PLCG2: variants seen among roughly 807,000 people sequenced by gnomAD.
The protein encoded by PLCG2 is phospholipase C gamma 2, also known as 1-phosphatidylinositol 4,5-bisphosphate phosphodiesterase gamma-2.
In PLCG2, 69 loss-of-function variants were observed where a neutral mutation model predicts 175.6. The ratio of observed to expected loss-of-function variants is 0.39; its 90% CI spans 0.32 to 0.48. PLCG2 has a LOEUF of 0.48. PLCG2 is among the 20% of genes least tolerant of loss of function. The probability of loss-of-function intolerance (pLI) is 0.91; values close to 1 mark genes in which losing one functional copy is unlikely to be tolerated. For missense variants in PLCG2, 1,798 were observed against 1,650.9 expected (o/e 1.09, Z -1.54); for synonymous variants, 827 against 624.0 (o/e 1.33, Z -4.85).
chr16:81,743,994 G>T (rs1909652180), intron 1 of PLCG2, among the ~76,000 whole-genome samples: 1 of 151,922 alleles, frequency 6.6e-6, no homozygotes, highest in African/African-American at 2.4e-5. Flanking sequence ...AAGTAGCTGA[G>T]ATTACAGGCA....
At chr16:81,750,734 C>G (rs1909794640) in intron 1 of PLCG2, among the ~76,000 whole-genome samples, 1 of 122,030 alleles carries the variant, frequency 8.2e-6, no homozygotes, top group Admixed American at 1.1e-4. Flanking sequence ...GTGGCGCGAT[C>G]TCGGCTCACT....
chr16:81,959,755 T>G lies in PLCG2; in HGVS notation c.*1757T>G, dbSNP rs921433451. The G allele has an allele frequency of 2.2e-5, 4 of 184,440 alleles. No homozygotes were observed. Among genetic ancestry groups the G allele is most frequent in the African/African-American group, 9.4e-5 (4 of 42,590 alleles). 11.4% of individuals were successfully genotyped at this position (184,440 alleles called of 1,614,324 possible). ...AGGCACTCTGTAGCCAGGGCCCCAT[T>G]AGCCTTTGGCCAGGTAGCCACCAGA... On this transcript the variant is annotated 3_prime_UTR_variant, in exon 33 of 33. Coordinates refer to ENST00000564138, the MANE Select transcript of PLCG2 (RefSeq NM_002661.5).
chr16:81,787,409 T>TTTTTTTTTTTTTC (rs1911023264), intron 2 of PLCG2, among the ~76,000 whole-genome samples: 1 of 145,854 alleles, frequency 6.9e-6, no homozygotes. Flanking sequence ...TTTTTTTTTT[T>TTTTTTTTTTTTTC]TTGTAGAGAT....
intron 10 of PLCG2, among the ~76,000 whole-genome samples, chr16:81,890,776 T>C (rs1490825900): frequency 1.3e-5 from 2 of 152,224 alleles, no homozygotes; most frequent in African/African-American, 2.4e-5. Context: ...ACTTGAAATT[T>C]CCTGCCCTTT....
chr16:81,952,741 A>G (rs1911416623), intron 31 of PLCG2, among the ~76,000 whole-genome samples: 1 of 152,232 alleles, frequency 6.6e-6, no homozygotes, highest in Non-Finnish European at 1.5e-5. Context: ...ATAAATGTAG[A>G]AGGAATGAGG....
chr16:81,778,430 G>C (rs1910554860), upstream of PLCG2, among the ~76,000 whole-genome samples: 1 of 152,196 alleles, frequency 6.6e-6, no homozygotes, highest in Non-Finnish European at 1.5e-5. Flanking sequence ...CCTGACAGCT[G>C]TCTAGGTGCC....
At chr16:81,922,008 G>A (rs1005049232) in intron 21 of PLCG2, among the ~76,000 whole-genome samples, 1 of 152,196 alleles carries the variant, frequency 6.6e-6, no homozygotes, top group African/African-American at 2.4e-5. Flanking sequence ...TAGTAGTGAA[G>A]GATGTTTTGG....
At chr16:81,922,993 C>T (rs749699584) in intron 21 of PLCG2, among the ~76,000 whole-genome samples, 6 of 152,076 alleles carry the variant, frequency 3.9e-5, no homozygotes, top group Non-Finnish European at 5.9e-5. Flanking sequence ...TGCTGACCTA[C>T]AAAAACAGAG....
intron 6 of PLCG2, 38 bp downstream of exon 6, chr16:81,869,336 C>T (rs369350365): frequency 8.4e-5 from 118 of 1,411,470 alleles, no homozygotes; most frequent in Non-Finnish European, 1.1e-4. Flanking sequence ...TTTATGAATG[C>T]GGAGTGACTT....
intron 2 of PLCG2, among the ~76,000 whole-genome samples, chr16:81,761,722 C>A (rs1910045223): frequency 6.6e-6 from 1 of 151,972 alleles, no homozygotes; most frequent in South Asian, 2.1e-4. Flanking sequence ...GTTTGCTCTT[C>A]TCATTTTTCC....
At chr16:81,804,469 A>C (rs1420154088) in intron 2 of PLCG2, among the ~76,000 whole-genome samples, 2 of 152,236 alleles carry the variant, frequency 1.3e-5, no homozygotes, top group Non-Finnish European at 2.9e-5. Context: ...GTTAGCTTGC[A>C]GCACATGGGC....
At chr16:81,937,547 GA>G in intron 27 of PLCG2, 1 of 428,184 alleles carries the variant, frequency 2.3e-6, no homozygotes, top group Non-Finnish European at 4.1e-6. Context: ...TATGATTCGG[GA>G]TTTGGTGACA....
At chr16:81,812,042 A>AATTT (rs1904340917) in intron 2 of PLCG2, among the ~76,000 whole-genome samples, 3 of 111,502 alleles carry the variant, frequency 2.7e-5, no homozygotes, top group East Asian at 2.4e-4. Context: ...TTGTTTCCTG[A>AATTT]CTTTTTTTTT....
At chr16:81,917,879 G>A (rs999697161) in intron 19 of PLCG2, among the ~76,000 whole-genome samples, 1 of 152,044 alleles carries the variant, frequency 6.6e-6, no homozygotes, top group Non-Finnish European at 1.5e-5. Flanking sequence ...CCGCCACTGC[G>A]CCCAGCTAAT....
chr16:81,866,989 A>G (rs1035468347), intron 5 of PLCG2, among the ~76,000 whole-genome samples: 2 of 152,182 alleles, frequency 1.3e-5, no homozygotes, highest in African/African-American at 4.8e-5. Context: ...CCCAACAGGG[A>G]CTTTTTCTGC....
intron 2 of PLCG2, among the ~76,000 whole-genome samples, chr16:81,809,961 C>T (rs567614695): frequency 1.3e-5 from 2 of 151,974 alleles, no homozygotes; most frequent in African/African-American, 2.4e-5. Flanking sequence ...CATCTTTCTG[C>T]CAGTCTTTGT....
At chr16:81,829,864 G>A (rs976463432) in intron 2 of PLCG2, among the ~76,000 whole-genome samples, 2 of 151,736 alleles carry the variant, frequency 1.3e-5, no homozygotes, top group Admixed American at 6.6e-5. Context: ...ACCTCTGAGT[G>A]GGGGGGCGTG....
intron 13 of PLCG2, among the ~76,000 whole-genome samples, chr16:81,899,079 C>G (rs1013290775): frequency 1.1e-4 from 17 of 152,034 alleles, no homozygotes; most frequent in African/African-American, 4.1e-4. Flanking sequence ...ATCTCAGCTA[C>G]TCAGGAGGCT....
chr16:81,864,254 T>A (rs1266103210), intron 5 of PLCG2, among the ~76,000 whole-genome samples: 1 of 152,218 alleles, frequency 6.6e-6, no homozygotes, highest in Non-Finnish European at 1.5e-5. Context: ...GCTGCTGGTC[T>A]GGGAGCTACT....
Sources: allele counts gnomAD v4.1 joint callset (sites outside exome capture counted in the v4.1 genomes callset), GRCh38; gene constraint gnomAD v4.1.1; transcripts MANE v1.5; gene names NCBI Gene and HGNC (gene_info 2026-07-23, HGNC 2026-07-21).